MAN1A1: variants seen among roughly 807,000 people sequenced by gnomAD.
MAN1A1 encodes mannosidase alpha class 1A member 1, also known as mannosyl-oligosaccharide 1,2-alpha-mannosidase IA.
MAN1A1 carries 29 observed loss-of-function variants against 70.8 expected under a neutral mutation model. The observed-to-expected ratio is 0.41, with a 90% CI of 0.31 to 0.56. MAN1A1 has a LOEUF of 0.56. Ranked by LOEUF, MAN1A1 falls within the 20% of genes least tolerant of loss-of-function variation. MAN1A1 has a pLI of 0.29. For synonymous variants in MAN1A1, 349 were observed against 330.1 expected (o/e 1.06, Z -0.62); for missense variants, 747 against 841.3 (o/e 0.89, Z 1.39).
intron 8 of MAN1A1, among the ~76,000 whole-genome samples, chr6:119,196,465 G>A (rs1311840315): frequency 6.6e-6 from 1 of 152,040 alleles, no homozygotes; most frequent in Non-Finnish European, 1.5e-5. Context: ...AGTGGATGTC[G>A]GGGAGAGCAG....
intron 2 of MAN1A1, among the ~76,000 whole-genome samples, chr6:119,316,977 A>G (rs1772871678): frequency 6.8e-6 from 1 of 147,624 alleles, no homozygotes; most frequent in Non-Finnish European, 1.5e-5. Flanking sequence ...GAAACAAGCT[A>G]TCCCTAGAGT....
intron 8 of MAN1A1, among the ~76,000 whole-genome samples, chr6:119,201,020 T>C (rs1402436237): frequency 1.3e-5 from 2 of 152,136 alleles, no homozygotes; most frequent in Non-Finnish European, 2.9e-5. Flanking sequence ...CCTTTCTGAT[T>C]AATAGCTGTA....
chr6:119,210,673 C>CTTT (rs3216463), intron 6 of MAN1A1, among the ~76,000 whole-genome samples: 1 of 151,042 alleles, frequency 6.6e-6, no homozygotes. Flanking sequence ...TGTCTAGTTT[C>CTTT]TTTTTTTTTC....
intron 2 of MAN1A1, among the ~76,000 whole-genome samples, chr6:119,310,701 C>CTG (rs1772677718): frequency 6.6e-6 from 1 of 152,094 alleles, no homozygotes; most frequent in Admixed American, 6.6e-5. Flanking sequence ...GGAGAAAGGG[C>CTG]TGTGAAGCAG....
intron 2 of MAN1A1, among the ~76,000 whole-genome samples, chr6:119,328,147 GT>G (rs971737388): frequency 1.3e-5 from 2 of 152,172 alleles, no homozygotes; most frequent in Non-Finnish European, 2.9e-5. Context: ...GTGATAATTT[GT>G]TAGAGCAATG....
At chr6:119,337,053 A>C (rs148122718) in intron 2 of MAN1A1, among the ~76,000 whole-genome samples, 1 of 152,306 alleles carries the variant, frequency 6.6e-6, no homozygotes, top group South Asian at 2.1e-4. Flanking sequence ...ACAATCATCT[A>C]CATTTATTTC....
chr6:119,228,525 T>C (rs1190560561), intron 6 of MAN1A1, among the ~76,000 whole-genome samples: 1 of 152,130 alleles, frequency 6.6e-6, no homozygotes, highest in Non-Finnish European at 1.5e-5. Context: ...AAAAGACCCT[T>C]GTAATTCAGA....
At chr6:119,316,006 C>T (rs956479050) in intron 2 of MAN1A1, among the ~76,000 whole-genome samples, 2 of 152,076 alleles carry the variant, frequency 1.3e-5, no homozygotes, top group East Asian at 1.9e-4. Flanking sequence ...GTGCTAAGAC[C>T]TCTGTGGTCA....
intron 5 of MAN1A1, among the ~76,000 whole-genome samples, chr6:119,250,260 A>G (rs995140772): frequency 6.6e-6 from 1 of 152,242 alleles, no homozygotes; most frequent in Non-Finnish European, 1.5e-5. Context: ...AGAAACTTAC[A>G]TAAGATCGAA....
At chr6:119,297,635 C>T (rs1274150671) in intron 4 of MAN1A1, among the ~76,000 whole-genome samples, 1 of 151,710 alleles carries the variant, frequency 6.6e-6, no homozygotes, top group Admixed American at 6.6e-5. Flanking sequence ...ATACCAGTTA[C>T]TACTCTGTAT....
chr6:119,248,632 T>G (rs1319034370), intron 5 of MAN1A1, among the ~76,000 whole-genome samples: 2 of 152,190 alleles, frequency 1.3e-5, no homozygotes, highest in African/African-American at 4.8e-5. Context: ...ACTCTTGAGA[T>G]TCTAATTTCT....
chr6:119,349,925 C>T (rs1052628693), upstream of MAN1A1, among the ~76,000 whole-genome samples: 8 of 151,814 alleles, frequency 5.3e-5, no homozygotes, highest in African/African-American at 1.9e-4. Context: ...AGCGCAGCCT[C>T]GGCGGGGCCC....
intron 5 of MAN1A1, among the ~76,000 whole-genome samples, chr6:119,264,271 C>T (rs1034652174): frequency 1.3e-5 from 2 of 152,178 alleles, no homozygotes; most frequent in African/African-American, 4.8e-5. Flanking sequence ...CTGATGTACA[C>T]TACATTTGAG....
chr6:119,236,501 G>A (rs370729953), intron 6 of MAN1A1, among the ~76,000 whole-genome samples: 49 of 151,966 alleles, frequency 3.2e-4, no homozygotes, highest in South Asian at 8.3e-4. Flanking sequence ...TGCTGGTGTC[G>A]AACTCCTGAC....
chr6:119,298,296 A>G (rs1772277134), intron 4 of MAN1A1, among the ~76,000 whole-genome samples: 1 of 152,102 alleles, frequency 6.6e-6, no homozygotes, highest in South Asian at 2.1e-4. Flanking sequence ...TATTATCCCA[A>G]CTTATTTTAA....
chr6:119,223,290 T>C (rs1774416582), intron 6 of MAN1A1, among the ~76,000 whole-genome samples: 1 of 152,148 alleles, frequency 6.6e-6, no homozygotes, highest in Non-Finnish European at 1.5e-5. Context: ...AATGTAAGCA[T>C]AGCCTATGCA....
At chr6:119,332,737 A>C (rs1461303297) in intron 2 of MAN1A1, among the ~76,000 whole-genome samples, 1 of 150,076 alleles carries the variant, frequency 6.7e-6, no homozygotes, top group East Asian at 2.0e-4. Flanking sequence ...GTGAGCTGAG[A>C]TCATGCCACT....
At chr6:119,278,681 G>T (rs1440718096) in intron 5 of MAN1A1, among the ~76,000 whole-genome samples, 1 of 151,906 alleles carries the variant, frequency 6.6e-6, no homozygotes, top group African/African-American at 2.4e-5. Context: ...TTGGAAGGTG[G>T]GGCCTAGTAG....
intron 11 of MAN1A1, among the ~76,000 whole-genome samples, chr6:119,185,645 C>T (rs567909832): frequency 4.8e-4 from 73 of 152,060 alleles, no homozygotes; most frequent in African/African-American, 1.2e-3. Flanking sequence ...GGCGTGATCT[C>T]GGCTCATTGC....
Sources: gnomAD v4.1 joint callset for allele counts (sites outside exome capture counted in the v4.1 genomes callset) on GRCh38, gnomAD v4.1.1 for gene constraint, MANE v1.5 for transcripts, NCBI Gene and HGNC (gene_info 2026-07-23, HGNC 2026-07-21) for gene names.